Variants in RUFY3 observed in about 807,000 individuals in gnomAD.
RUFY3 encodes RUN and FYVE domain containing 3.
RUFY3 carries 34 observed loss-of-function variants against 84.0 expected under a neutral mutation model. The ratio of observed to expected loss-of-function variants is 0.40; its 90% CI spans 0.31 to 0.54. The LOEUF is 0.54. Ranked by LOEUF, RUFY3 falls within the 20% of genes least tolerant of loss-of-function variation. The pLI is 0.39. For missense variants in RUFY3, 507 were observed against 736.8 expected, an observed-to-expected ratio of 0.69 and a Z score of 3.61; for synonymous variants, 242 against 252.9, an observed-to-expected ratio of 0.96 and a Z score of 0.41.
intron 1 of RUFY3, among the ~76,000 whole-genome samples, chr4:70,754,454 G>A (rs1183828224): frequency 3.3e-5 from 5 of 151,814 alleles, no homozygotes; most frequent in Non-Finnish European, 5.9e-5. Flanking sequence ...TACCTGAGAC[G>A]CCATTAAGAA....
intron 12 of RUFY3, chr4:70,791,623 T>C: frequency 9.2e-7 from 1 of 1,090,118 alleles, no homozygotes; most frequent in Non-Finnish European, 1.1e-6. Flanking sequence ...GTACATATAC[T>C]AATGATGCCT....
At chr4:70,714,917 G>A (rs1220499765) in intron 1 of RUFY3, among the ~76,000 whole-genome samples, 1 of 152,154 alleles carries the variant, frequency 6.6e-6, no homozygotes, top group African/African-American at 2.4e-5. Flanking sequence ...ACTTTTCAGG[G>A]TAGAGGTTAT....
In RUFY3 at chr4:70,807,847, A is replaced by C. The variant is rs555983156; in HGVS notation, c.*1188A>C. ...AGAACAGTTAGCTCGGAATACTTAC[A>C]TTGTTTTTTGAATAAGGAATTCCTT... is the stretch of plus-strand genomic sequence containing the variant. On this transcript the variant is annotated 3_prime_UTR_variant, in exon 18 of 18. Transcript: ENST00000381006. Among the ~76,000 whole-genome samples the C allele has an allele frequency of 6.6e-6, 1 of 152,082 alleles. No homozygotes were observed. The highest frequency in any genetic ancestry group is 6.5e-5 in the Admixed American group (1 of 15,274).
rs571260243 is a variant in RUFY3 at position 70,750,576 on chromosome 4, A to G, written c.179-11943A>G. ...CATAAAGGTCACCACTTTAAAGTGT[A>G]CAATTCAGTGGTGGTTAGTATAGTC... On this transcript the variant is annotated intron_variant, in intron 1 of 17. Coordinates refer to ENST00000381006, the MANE Select transcript of RUFY3 (RefSeq NM_001037442.4). Among the ~76,000 whole-genome samples the G allele has an allele frequency of 3.2e-4, 48 of 152,342 alleles. No individual in the cohort carries two copies. The South Asian group carries it at 9.3e-3, about 30-fold the overall frequency.
intron 1 of RUFY3, among the ~76,000 whole-genome samples, chr4:70,740,769 A>T (rs888410535): frequency 2.0e-5 from 3 of 152,126 alleles, no homozygotes; most frequent in South Asian, 4.1e-4. Flanking sequence ...AAATAATAGT[A>T]GCCAACTCAC....
chr4:70,741,012 G>A (rs1721234637), intron 1 of RUFY3, among the ~76,000 whole-genome samples: 1 of 152,098 alleles, frequency 6.6e-6, no homozygotes. Context: ...GTAGGTTACT[G>A]CCTCAGATCC....
intron 1 of RUFY3, among the ~76,000 whole-genome samples, chr4:70,758,739 TA>T (rs111462846): frequency 0.025 from 3,598 of 144,652 alleles, 127 homozygotes; most frequent in East Asian, 0.16. Context: ...TTTGAAAATA[TA>T]AAAAAAAAAA....
Position 70,767,388 on chromosome 4 carries a change from G to T in RUFY3, c.573-1150G>T, listed in dbSNP as rs537155914. Among the ~76,000 whole-genome samples, 16 of 150,814 alleles carry T rather than the reference G, an allele frequency of 1.1e-4. No homozygotes were observed. The East Asian group carries it at 3.2e-3, about 30-fold the overall frequency. On this transcript the variant is annotated intron_variant, in intron 4 of 17. Transcript: ENST00000381006. ...ACCTCCCAAAGTGCTGGGATTGCAG[G>T]CGTGAGCCACTGCGCCTGGCGATAG...
At chr4:70,739,240 G>A (rs1255126217) in intron 1 of RUFY3, among the ~76,000 whole-genome samples, 1 of 152,046 alleles carries the variant, frequency 6.6e-6, no homozygotes, top group Non-Finnish European at 1.5e-5. Context: ...TAGCACCTCA[G>A]CTGTTAATTT....
chr4:70,711,064 G>GAAAAAAAAA (rs950005722), intron 1 of RUFY3, among the ~76,000 whole-genome samples: 1 of 54,092 alleles, frequency 1.8e-5, no homozygotes, highest in African/African-American at 5.5e-5. Flanking sequence ...ACTCCGTCTG[G>GAAAAAAAAA]AAAAAAAAAA....
At chr4:70,774,614 CAAAAAAAAAAAAAA>C (rs1172638290) in intron 6 of RUFY3, among the ~76,000 whole-genome samples, 2 of 22,084 alleles carry the variant, frequency 9.1e-5, no homozygotes, top group Non-Finnish European at 1.4e-4. Flanking sequence ...GACTCTGCCT[CAAAAAAAAAAAAAA>C]AAAAAAAAAA....
intron 15 of RUFY3, among the ~76,000 whole-genome samples, chr4:70,800,625 T>A (rs1210206641): frequency 1.3e-5 from 2 of 152,262 alleles, no homozygotes; most frequent in Non-Finnish European, 2.9e-5. Context: ...GGCTCACGCC[T>A]GTAATCCCAG....
intron 1 of RUFY3, among the ~76,000 whole-genome samples, chr4:70,730,921 T>G (rs1185970575): frequency 1.3e-5 from 2 of 152,172 alleles, no homozygotes; most frequent in African/African-American, 2.4e-5. Context: ...TCCCAGTCTC[T>G]GATGACATAT....
intron 1 of RUFY3, among the ~76,000 whole-genome samples, chr4:70,753,199 C>T (rs142376419): frequency 2.0e-5 from 3 of 152,226 alleles, no homozygotes; most frequent in Middle Eastern, 3.4e-3. Context: ...CCGTAGTATT[C>T]CCTTATAATC....
Position 70,722,636 on chromosome 4 carries a change from T to C in RUFY3, c.63T>C (p.Ala21=). 6.2e-7 allele frequency: 1 copy of C among 1,614,068 alleles called. No individual in the cohort carries two copies. The highest frequency in any genetic ancestry group is 8.5e-7 in the Non-Finnish European group (1 of 1,180,004). ...CCACCACTGACAAGATCACACAGGC[T>C]GCCATGGAGACCATCTACCTTTGCA... The part of the protein sequence containing the change: ...PTPTTDKITQ[A]AMETIYLCKF... The change falls in exon 1 of 18, where the codon GCT becomes GCC. Residue 21 remains alanine (A), a synonymous_variant. Transcript: ENST00000381006.
chr4:70,703,968 T>C (rs1739969979), upstream of RUFY3: 1 of 152,212 alleles, frequency 6.6e-6, no homozygotes, highest in Non-Finnish European at 1.5e-5. Flanking sequence ...TGAGAGTAAC[T>C]GGAAATTGTC....
chr4:70,734,401 C>G (rs977511808), intron 1 of RUFY3: 2 of 985,262 alleles, frequency 2.0e-6, no homozygotes, highest in Middle Eastern at 5.2e-4. Flanking sequence ...TGCAGTCAGC[C>G]TTAGATTTAC....
chr4:70,795,488 A>G (rs1418322048), intron 14 of RUFY3, among the ~76,000 whole-genome samples: 5 of 152,202 alleles, frequency 3.3e-5, no homozygotes. Flanking sequence ...AGGAGCTACA[A>G]TTGGGTAAGA....
At chr4:70,751,130 C>T (rs953192649) in intron 1 of RUFY3, among the ~76,000 whole-genome samples, 1 of 152,074 alleles carries the variant, frequency 6.6e-6, no homozygotes, top group Non-Finnish European at 1.5e-5. Context: ...CATGGGTATA[C>T]TGTGTGATGC....
Sources: allele counts gnomAD v4.1 joint callset (sites outside exome capture counted in the v4.1 genomes callset), GRCh38; gene constraint gnomAD v4.1.1; transcripts MANE v1.5; gene names NCBI Gene and HGNC (gene_info 2026-07-23, HGNC 2026-07-21).